The following EPHB1 variants were observed in gnomAD, a reference collection of about 807,000 sequenced individuals.
The protein encoded by EPHB1 is ephrin type-B receptor 1.
A neutral mutation model predicts 94.4 loss-of-function variants in EPHB1; 30 were observed. The ratio of observed to expected loss-of-function variants is 0.32; its 90% CI spans 0.24 to 0.43. The LOEUF (loss-of-function observed/expected upper bound fraction) is 0.43. EPHB1 is among the 20% of genes least tolerant of loss of function. The pLI, the probability that EPHB1 is intolerant of heterozygous loss-of-function variation, is 1.00. For synonymous variants in EPHB1, 522 were observed against 489.1 expected, an observed-to-expected ratio of 1.07 and a Z score of -0.89; for missense variants, 1,055 against 1,308.3, an observed-to-expected ratio of 0.81 and a Z score of 2.99.
Position 135,145,646 on chromosome 3 carries a change from C to T in EPHB1, c.1298-8506C>T, listed in dbSNP as rs1236137396. ...TAGAAAACTGCCAATATTAGGGTAA[C>T]GTTACAGCTGAACAATCCCAGTGAG... is the stretch of plus-strand genomic sequence containing the variant. On this transcript the variant is annotated intron_variant, in intron 5 of 15. Transcript: ENST00000398015. Among the ~76,000 whole-genome samples the T allele has an allele frequency of 1.1e-4, 17 of 152,314 alleles. No homozygotes were observed. In the East Asian group the frequency reaches 2.5e-3, roughly 22 times the overall value.
rs191076397 is a variant in EPHB1 at position 135,020,360 on chromosome 3, A to G, written c.805+68308A>G. Among the ~76,000 whole-genome samples, 5 of 152,306 alleles carry G rather than the reference A, an allele frequency of 3.3e-5. No homozygotes were observed. The East Asian group carries it at 9.7e-4, about 29-fold the overall frequency. On this transcript the variant is annotated intron_variant, in intron 3 of 15. Coordinates refer to ENST00000398015, the MANE Select transcript of EPHB1 (RefSeq NM_004441.5). ...ATAGAGTTGTGCAACCATCGCCACA[A>G]TCAATTTTAGAACAGTTTCATCTTC...
At chr3:135,125,805 C>G (rs1478733744) in intron 4 of EPHB1, among the ~76,000 whole-genome samples, 2 of 152,110 alleles carry the variant, frequency 1.3e-5, no homozygotes, top group Non-Finnish European at 2.9e-5. Context: ...GTATAATAAC[C>G]AGCCTGACTT....
chr3:135,045,133 G>A (rs570816445), intron 3 of EPHB1, among the ~76,000 whole-genome samples: 108 of 152,220 alleles, frequency 7.1e-4, no homozygotes, highest in African/African-American at 2.5e-3. Flanking sequence ...TGCCTGTTTC[G>A]GTGCATTGAC....
At chr3:135,100,203 C>T (rs1231971098) in intron 3 of EPHB1, among the ~76,000 whole-genome samples, 1 of 152,138 alleles carries the variant, frequency 6.6e-6, no homozygotes, top group African/African-American at 2.4e-5. Context: ...CTCTGACCCC[C>T]TAGACCATGC....
At chr3:134,924,826 C>G (rs963144099) in intron 1 of EPHB1, among the ~76,000 whole-genome samples, 4 of 152,036 alleles carry the variant, frequency 2.6e-5, no homozygotes, top group Non-Finnish European at 5.9e-5. Context: ...CTATATGGTT[C>G]CATTTATACG....
At chr3:135,056,663 A>G (rs1296184475) in intron 3 of EPHB1, among the ~76,000 whole-genome samples, 2 of 152,286 alleles carry the variant, frequency 1.3e-5, no homozygotes, top group East Asian at 3.8e-4. Context: ...TCATCTCTCT[A>G]TTCTACTGCA....
chr3:135,200,422 G>A (rs1942723206), intron 11 of EPHB1, among the ~76,000 whole-genome samples: 1 of 149,098 alleles, frequency 6.7e-6, no homozygotes, highest in Non-Finnish European at 1.5e-5. Flanking sequence ...TGTGCCAGAC[G>A]CTGTGCATGA....
chr3:135,048,234 T>TC (rs1360405023), intron 3 of EPHB1, among the ~76,000 whole-genome samples: 4 of 147,934 alleles, frequency 2.7e-5, no homozygotes, highest in African/African-American at 1.0e-4. Context: ...CTTTTTTTTT[T>TC]TTTCTTTTTC....
At chr3:135,212,314 T>C (rs771259681) in intron 12 of EPHB1, among the ~76,000 whole-genome samples, 4 of 152,242 alleles carry the variant, frequency 2.6e-5, no homozygotes, top group Non-Finnish European at 4.4e-5. Context: ...TAGCATCTTA[T>C]TTGTTTTTTC....
chr3:134,914,413 G>A (rs1288975327), intron 1 of EPHB1, among the ~76,000 whole-genome samples: 2 of 152,240 alleles, frequency 1.3e-5, no homozygotes, highest in Non-Finnish European at 1.5e-5. Flanking sequence ...GGCTGAACAT[G>A]AGCCTTAGAC....
intron 2 of EPHB1, among the ~76,000 whole-genome samples, chr3:134,939,293 A>G (rs1406020742): frequency 6.6e-6 from 1 of 151,310 alleles, no homozygotes; most frequent in Non-Finnish European, 1.5e-5. Flanking sequence ...CTTCCAAGGC[A>G]CTGGGCTTTC....
intron 12 of EPHB1, among the ~76,000 whole-genome samples, chr3:135,218,776 C>T (rs1943213878): frequency 6.6e-6 from 1 of 152,184 alleles, no homozygotes; most frequent in Non-Finnish European, 1.5e-5. Context: ...AAAAGACAGA[C>T]ATTAAACAAC....
At position 134,939,151 on chromosome 3, in the gene EPHB1, A is replaced by G. The variant is rs571265820; in HGVS notation, c.124-12220A>G. Among the ~76,000 whole-genome samples, 19 of 152,264 alleles carry G rather than the reference A, an allele frequency of 1.2e-4. 2 individuals are homozygous for G. The South Asian group carries it at 2.9e-3, about 23-fold the overall frequency. On this transcript the variant is annotated intron_variant, in intron 2 of 15. Transcript: ENST00000398015. ...AATATTGCATTGGGAAACAATATGT[A>G]TATGTTTGTGATATTCCAGTTATGT...
Position 135,259,165 on chromosome 3 carries a change from G to T in EPHB1, c.*45G>T, listed in dbSNP as rs1404351646. The T allele has an allele frequency of 6.8e-7, 1 of 1,480,410 alleles. No homozygotes were observed. The highest frequency in any genetic ancestry group is 1.9e-5 in the Admixed American group (1 of 52,496). 91.7% of individuals were successfully genotyped at this position (1,480,410 alleles called of 1,614,324 possible). On this transcript the variant is annotated 3_prime_UTR_variant, in exon 16 of 16. Transcript: ENST00000398015. The stretch of plus-strand genomic sequence containing the variant: ...AAGGAGAGGAGGGAAAAGGACCAGG[G>T]TCAAGGGGGACCAGAGGTTGACCAC...
intron 2 of EPHB1, among the ~76,000 whole-genome samples, chr3:134,949,549 A>G (rs1481325977): frequency 2.0e-5 from 3 of 152,200 alleles, no homozygotes; most frequent in Non-Finnish European, 2.9e-5. Context: ...CCATGCACAC[A>G]TAATTGGCTT....
chr3:135,127,852 T>C (rs1192867810), intron 4 of EPHB1, among the ~76,000 whole-genome samples: 1 of 152,136 alleles, frequency 6.6e-6, no homozygotes, highest in Non-Finnish European at 1.5e-5. Flanking sequence ...ACAACCGTGC[T>C]CCATGCAGGC....
intron 11 of EPHB1, among the ~76,000 whole-genome samples, chr3:135,198,589 T>TCA (rs1472460002): frequency 3.9e-5 from 6 of 152,192 alleles, no homozygotes; most frequent in Admixed American, 3.3e-4. Flanking sequence ...CCAGGATGTT[T>TCA]CACACACACA....
chr3:134,854,764 T>C (rs1167848634), intron 1 of EPHB1, among the ~76,000 whole-genome samples: 2 of 152,354 alleles, frequency 1.3e-5, no homozygotes, highest in Admixed American at 6.5e-5. Flanking sequence ...TGTTTTAGCC[T>C]CATCATGGGC....
At chr3:135,054,040 T>TATCTATACAC (rs377064799) in intron 3 of EPHB1, among the ~76,000 whole-genome samples, 1 of 139,812 alleles carries the variant, frequency 7.2e-6, no homozygotes. Context: ...TATATATATA[T>TATCTATACAC]ACACACACAC....
Sources: allele counts gnomAD v4.1 joint callset (sites outside exome capture counted in the v4.1 genomes callset), GRCh38; gene constraint gnomAD v4.1.1; transcripts MANE v1.5; gene names NCBI Gene and HGNC (gene_info 2026-07-23, HGNC 2026-07-21).